Variants in APBA2 observed in about 807,000 individuals in gnomAD.
APBA2 encodes amyloid-beta A4 precursor protein-binding family A member 2.
A neutral mutation model predicts 75.0 loss-of-function variants in APBA2; 30 were observed. The ratio of observed to expected loss-of-function variants is 0.40; its 90% CI spans 0.30 to 0.54. The LOEUF (loss-of-function observed/expected upper bound fraction) is 0.54. APBA2 is among the 20% of genes least tolerant of loss of function. APBA2 has a pLI of 0.49. For synonymous variants in APBA2, 444 were observed against 409.6 expected, an observed-to-expected ratio of 1.08 and a Z score of -1.01; for missense variants, 801 against 1,016.1, an observed-to-expected ratio of 0.79 and a Z score of 2.88.
chr15:29,115,022 G>T (rs1044272101), intron 14 of APBA2, among the ~76,000 whole-genome samples: 4 of 151,924 alleles, frequency 2.6e-5, no homozygotes, highest in African/African-American at 4.8e-5. Context: ...GTGTGTAGGG[G>T]TGTGTGAAGG....
At chr15:29,110,105 T>C (rs1374013560) in intron 13 of APBA2, among the ~76,000 whole-genome samples, 1 of 152,256 alleles carries the variant, frequency 6.6e-6, no homozygotes, top group African/African-American at 2.4e-5. Flanking sequence ...CTGCAGCTGC[T>C]GTGCGCACTT....
chr15:29,060,339 T>C (rs970409100), intron 4 of APBA2, among the ~76,000 whole-genome samples: 1 of 152,094 alleles, frequency 6.6e-6, no homozygotes, highest in African/African-American at 2.4e-5. Flanking sequence ...GATGGCACAG[T>C]TAAGTAGCTC....
chr15:29,070,740 C>G, intron 4 of APBA2: 1 of 241,912 alleles, frequency 4.1e-6, no homozygotes, highest in Admixed American at 5.2e-5. Flanking sequence ...GGGTCATGCT[C>G]TCACTGCTCC....
At chr15:28,963,353 C>G (rs1395031058) in intron 2 of APBA2, among the ~76,000 whole-genome samples, 1 of 152,158 alleles carries the variant, frequency 6.6e-6, no homozygotes, top group Admixed American at 6.5e-5. Context: ...TGTTGAAGAT[C>G]CTCAGCCAGT....
intron 3 of APBA2, among the ~76,000 whole-genome samples, chr15:29,035,808 G>A (rs943850324): frequency 6.6e-6 from 1 of 152,184 alleles, no homozygotes; most frequent in African/African-American, 2.4e-5. Flanking sequence ...CTAGGGCTGG[G>A]AGCCAGAAGC....
At chr15:28,988,221 A>G (rs80042245) in intron 2 of APBA2, among the ~76,000 whole-genome samples, 2 of 151,254 alleles carry the variant, frequency 1.3e-5, no homozygotes, top group Non-Finnish European at 2.9e-5. Context: ...TTTTGTCTGT[A>G]AGCGTTATGT....
intron 1 of APBA2, among the ~76,000 whole-genome samples, chr15:28,889,040 T>G (rs1163526928): frequency 4.6e-5 from 7 of 152,188 alleles, no homozygotes; most frequent in Middle Eastern, 3.4e-3. Flanking sequence ...CTTTGTTCCC[T>G]TGGGTGGTGG....
At chr15:29,053,523 T>G (rs1298654155) in intron 3 of APBA2, among the ~76,000 whole-genome samples, 2 of 152,136 alleles carry the variant, frequency 1.3e-5, no homozygotes, top group Non-Finnish European at 2.9e-5. Context: ...CCATTTGTCT[T>G]GGTCACCTGG....
chr15:29,042,926 T>C (rs2041124646), intron 3 of APBA2, among the ~76,000 whole-genome samples: 1 of 152,178 alleles, frequency 6.6e-6, no homozygotes, highest in Non-Finnish European at 1.5e-5. Context: ...GGTAACGTTC[T>C]GTGTTCAGTT....
At position 28,969,668 on chromosome 15, in the gene APBA2, C is replaced by T. The variant is rs76331409; in HGVS notation, c.-94-26085C>T. ...GCAGAAAGGGCTTTGGCAAGGTGTCCGGAGTTGGAGGTGGCCTCTGGGAGG... is the reference window on the plus strand; with the variant it reads ...GCAGAAAGGGCTTTGGCAAGGTGTCTGGAGTTGGAGGTGGCCTCTGGGAGG... On this transcript the variant is annotated intron_variant, in intron 2 of 14. Coordinates refer to ENST00000683413, the MANE Select transcript of APBA2 (RefSeq NM_001353788.2). Among the ~76,000 whole-genome samples, 9 of 152,228 alleles carry T rather than the reference C, an allele frequency of 5.9e-5. 1 individual carries two copies. The highest frequency in any genetic ancestry group is 4.2e-4 in the South Asian group (2 of 4,814).
chr15:29,102,079 A>G, intron 10 of APBA2: 4 of 536,416 alleles, frequency 7.5e-6, no homozygotes, highest in East Asian at 3.3e-5. Flanking sequence ...TCTACTAAAA[A>G]TGAAGTTAAT....
intron 2 of APBA2, among the ~76,000 whole-genome samples, chr15:28,992,987 G>A (rs1227847624): frequency 6.6e-6 from 1 of 152,230 alleles, no homozygotes; most frequent in Admixed American, 6.5e-5. Flanking sequence ...ACAGCCGAGG[G>A]GGACTGGGGA....
At chr15:28,930,426 C>G (rs1304019663) in intron 2 of APBA2, among the ~76,000 whole-genome samples, 1 of 152,142 alleles carries the variant, frequency 6.6e-6, no homozygotes, top group Admixed American at 6.5e-5. Context: ...TTCTGTCGTT[C>G]TAAGGCAATA....
intron 2 of APBA2, among the ~76,000 whole-genome samples, chr15:28,975,803 A>G (rs1362281677): frequency 6.6e-6 from 1 of 152,248 alleles, no homozygotes; most frequent in Non-Finnish European, 1.5e-5. Flanking sequence ...ACCATTTCTC[A>G]TGGGCCATAT....
chr15:28,935,751 G>A (rs1016561351), intron 2 of APBA2, among the ~76,000 whole-genome samples: 2 of 152,196 alleles, frequency 1.3e-5, no homozygotes, highest in East Asian at 3.9e-4. Context: ...GGGAGTCGGG[G>A]CAAGGGCCAG....
chr15:28,979,070 G>A (rs2037486194), intron 2 of APBA2, among the ~76,000 whole-genome samples: 1 of 152,214 alleles, frequency 6.6e-6, no homozygotes, highest in South Asian at 2.1e-4. Flanking sequence ...CAGAAGTGCT[G>A]GAGGCAAGCT....
At chr15:28,915,170 CAT>C (rs1366417767) in intron 1 of APBA2, among the ~76,000 whole-genome samples, 30 of 16,012 alleles carry the variant, frequency 1.9e-3, no homozygotes, top group East Asian at 3.5e-3. Context: ...CCACACACCA[CAT>C]ACATACCCCA....
intron 3 of APBA2, among the ~76,000 whole-genome samples, chr15:29,013,453 G>A (rs8038754): frequency 0.12 from 18,250 of 151,730 alleles, 1,815 homozygotes; most frequent in African/African-American, 0.26. Flanking sequence ...CCAATTTTTT[G>A]TATTTTTTAA....
At chr15:28,990,106 G>A (rs1338334258) in intron 2 of APBA2, among the ~76,000 whole-genome samples, 1 of 152,184 alleles carries the variant, frequency 6.6e-6, no homozygotes, top group Non-Finnish European at 1.5e-5. Flanking sequence ...GGGGGAAGAG[G>A]GCACGTTTAG....
Sources: gnomAD v4.1 joint callset for allele counts (sites outside exome capture counted in the v4.1 genomes callset) on GRCh38, gnomAD v4.1.1 for gene constraint, MANE v1.5 for transcripts, NCBI Gene and HGNC (gene_info 2026-07-23, HGNC 2026-07-21) for gene names.